TRAP1: variants seen among roughly 807,000 people sequenced by gnomAD.
TRAP1 encodes heat shock protein 75 kDa, mitochondrial.
In TRAP1, 102 loss-of-function variants were observed where a neutral mutation model predicts 89.1. The ratio of observed to expected loss-of-function variants is 1.15; its 90% CI spans 0.98 to 1.35. The LOEUF is 1.35. Among genes scored for constraint, TRAP1 ranks in the 40% most tolerant of loss-of-function variants. TRAP1 has a pLI of 0.00. For missense variants in TRAP1, 1,256 were observed against 945.3 expected (o/e 1.33, Z -4.31); for synonymous variants, 508 against 388.0 (o/e 1.31, Z -3.64).
intron 1 of TRAP1, among the ~76,000 whole-genome samples, chr16:3,705,186 T>A (rs2051423978): frequency 6.6e-6 from 1 of 151,992 alleles, no homozygotes; most frequent in Admixed American, 6.6e-5. Context: ...TGCCTCAGCG[T>A]CCCGAGTAGC....
intron 2 of TRAP1, chr16:3,689,818 G>A (rs1030487183): frequency 2.0e-5 from 3 of 152,294 alleles, no homozygotes; most frequent in African/African-American, 4.8e-5. Flanking sequence ...CGGCCTGGGT[G>A]ACAGAGAAAG....
rs188818012 is a variant in TRAP1, at chr16:3,678,726, A to G, written c.543+993T>C. Among the ~76,000 whole-genome samples the G allele has an allele frequency of 4.1e-3, 620 of 152,150 alleles. 5 individuals carry two copies. The highest frequency in any genetic ancestry group is 0.014 in the African/African-American group (586 of 41,506). On this transcript the variant is annotated intron_variant, in intron 5 of 17. Transcript: ENST00000246957. The stretch of plus-strand genomic sequence containing the variant: ...TCCACCTGCCTCGGCCTCCCAAAGT[A>G]CTGGGGTTACAGGCGTGAGCCACCG...
chr16:3,673,935 G>C (rs1293494828), intron 9 of TRAP1, among the ~76,000 whole-genome samples: 1 of 152,100 alleles, frequency 6.6e-6, no homozygotes, highest in African/African-American at 2.4e-5. Flanking sequence ...CACAGCAGAT[G>C]ATGTAGGCTC....
At chr16:3,662,555 G>A (rs2043144993) in intron 15 of TRAP1, 9 of 565,386 alleles carry the variant, frequency 1.6e-5, no homozygotes, top group South Asian at 1.6e-4. Flanking sequence ...GTGAGCATGT[G>A]AGCTCCTGAG....
chr16:3,697,034 T>C (rs1405134547), intron 1 of TRAP1, among the ~76,000 whole-genome samples: 1 of 152,152 alleles, frequency 6.6e-6, no homozygotes, highest in Non-Finnish European at 1.5e-5. Flanking sequence ...CCTAAGGTTA[T>C]GTATTTGAAG....
chr16:3,664,210 G>A (rs2050768744), intron 13 of TRAP1, 64 bp downstream of exon 13: 2 of 1,454,292 alleles, frequency 1.4e-6, no homozygotes, highest in Non-Finnish European at 1.8e-6. Context: ...GCACAGAGCT[G>A]AGAAGGTCAA....
At chr16:3,659,775 AG>A (rs2042963864) in intron 16 of TRAP1, 1 of 150,330 alleles carries the variant, frequency 6.7e-6, no homozygotes, top group African/African-American at 2.4e-5. Context: ...ATAGATAGAT[AG>A]ATAGACTCTC....
chr16:3,690,720 C>A, intron 2 of TRAP1, 107 bp downstream of exon 2: 1 of 1,193,238 alleles, frequency 8.4e-7, no homozygotes, highest in Non-Finnish European at 1.1e-6. Flanking sequence ...TGATTTCACA[C>A]CTAAGGCGGT....
At chr16:3,685,193 G>C (rs1289640718) in intron 4 of TRAP1, among the ~76,000 whole-genome samples, 3 of 152,182 alleles carry the variant, frequency 2.0e-5, no homozygotes, top group Non-Finnish European at 4.4e-5. Context: ...GGCAGGGAGA[G>C]AAGAAACCCA....
At chr16:3,659,748 T>TTTAGA (rs1567217509) in intron 16 of TRAP1, 1 of 111,328 alleles carries the variant, frequency 9.0e-6, no homozygotes, top group Non-Finnish European at 1.7e-5. Context: ...CACTTTTTTT[T>TTTAGA]TTAGATAGAT....
At chr16:3,658,592 G>A in intron 17 of TRAP1, 1 of 594,088 alleles carries the variant, frequency 1.7e-6, no homozygotes, top group South Asian at 2.1e-5. Context: ...GGAATTGCTT[G>A]AACCCGGGAG....
chr16:3,707,480 C>T (rs541059955), intron 1 of TRAP1, among the ~76,000 whole-genome samples: 4 of 151,472 alleles, frequency 2.6e-5, no homozygotes, highest in African/African-American at 9.7e-5. Flanking sequence ...CCACCGCGCC[C>T]GGCCTTAAGA....
At chr16:3,715,090 T>C (rs568696644) in intron 1 of TRAP1, among the ~76,000 whole-genome samples, 3 of 152,316 alleles carry the variant, frequency 2.0e-5, no homozygotes, top group South Asian at 2.1e-4. Context: ...AGAGGAATGC[T>C]TGAACCACCG....
At position 3,717,487 on chromosome 16, in the gene TRAP1, G is replaced by A; in HGVS notation, c.22C>T (p.Leu8=). 1 of 1,342,738 alleles carries A rather than the reference G, an allele frequency of 7.4e-7. No homozygotes were observed. The highest frequency in any genetic ancestry group is 9.5e-7 in the Non-Finnish European group (1 of 1,050,214). The allele number at this position is 1,342,738 out of a possible 1,614,324, so 83.2% of individuals were successfully genotyped here. The change falls in exon 1 of 18, where the codon CTG becomes TTG. Residue 8 remains leucine (L), a synonymous_variant. Transcript: ENST00000246957. MARELRA[L]LLWGRRLRPL... Reference sequence around the variant, plus strand: ...CGCAGGCGGCGGCCCCACAGCAGCAGCGCCCGCAGCTCGCGCGCCATGTCG... The same window carrying A: ...CGCAGGCGGCGGCCCCACAGCAGCAACGCCCGCAGCTCGCGCGCCATGTCG...
chr16:3,666,041 G>A lies in TRAP1; in HGVS notation c.1313C>T (p.Ala438Val). 2 of 1,614,148 alleles carry A rather than the reference G, an allele frequency of 1.2e-6. No individual in the cohort carries two copies. The highest frequency in any genetic ancestry group is 1.7e-6 in the Non-Finnish European group (2 of 1,180,020). ...DQSKKDAEKY[A>V]KFFEDYGLFM... Reference sequence around the variant, plus strand: ...CAGGCCGTAATCTTCAAAAAACTTTGCATACTTCTCAGCATCTTTTTTACT... The same window carrying A: ...CAGGCCGTAATCTTCAAAAAACTTTACATACTTCTCAGCATCTTTTTTACT... The change falls in exon 12 of 18, where the codon GCA (alanine) becomes GTA (valine). Residue 438 changes from alanine (A) to valine (V), a missense_variant. Physicochemically the swap from Ala to Val is moderately conservative, Grantham distance 64. Coordinates refer to ENST00000246957, the MANE Select transcript of TRAP1 (RefSeq NM_016292.3).
At chr16:3,684,061 G>A (rs937628461) in intron 4 of TRAP1, among the ~76,000 whole-genome samples, 2 of 152,056 alleles carry the variant, frequency 1.3e-5, no homozygotes, top group Non-Finnish European at 2.9e-5. Flanking sequence ...AGCTACTTGG[G>A]GGGCTGAGGC....
rs188822161 is a variant in TRAP1, at chr16:3,666,000, T to C, written c.1354A>G (p.Ile452Val). The C allele has an allele frequency of 3.7e-6, 6 of 1,614,040 alleles. No homozygotes were observed. In the East Asian group the frequency reaches 8.9e-5, roughly 24 times the overall value. Reference sequence around the variant, plus strand: ...ACCTCCTGCTCGGTGGCGGTCACAATGCCCTCCCGCATGAACAGGCCGTAA... The same window carrying C: ...ACCTCCTGCTCGGTGGCGGTCACAACGCCCTCCCGCATGAACAGGCCGTAA... ...EDYGLFMREG[I>V]VTATEQEVKE... is the part of the protein sequence containing the mutation. The change falls in exon 12 of 18, where the codon ATT (isoleucine) becomes GTT (valine). Residue 452 changes from isoleucine to valine, a missense_variant. Transcript: ENST00000246957.
intron 1 of TRAP1, among the ~76,000 whole-genome samples, chr16:3,703,450 T>C (rs1221308380): frequency 6.6e-6 from 1 of 151,832 alleles, no homozygotes; most frequent in East Asian, 1.9e-4. Context: ...GAAAAAACAC[T>C]AGAGGTAGAA....
At position 3,671,722 on chromosome 16, in the gene TRAP1, C is replaced by G; in HGVS notation, c.1235G>C (p.Arg412Thr). The change falls in exon 11 of 18, where the codon AGG becomes ACG. Residue 412 changes from arginine to threonine, a missense_variant and splice_region_variant. By Grantham distance (71) the Arg-to-Thr change is moderately conservative (BLOSUM62 -1). Coordinates refer to ENST00000246957, the MANE Select transcript of TRAP1 (RefSeq NM_016292.3). ...CCTCTCCCCGCGGCCCGAGGCTCAC[C>G]TGATGAGTGCGCTCTCCTGCAGCAG... The part of the protein sequence containing the change: ...RELLQESALI[R>T]KLRDVLQQRL... 6.2e-7 allele frequency: 1 copy of G among 1,612,744 alleles called. No homozygotes were observed. The highest frequency in any genetic ancestry group is 8.5e-7 in the Non-Finnish European group (1 of 1,180,004).
Sources: allele counts gnomAD v4.1 joint callset (sites outside exome capture counted in the v4.1 genomes callset), GRCh38; gene constraint gnomAD v4.1.1; transcripts MANE v1.5; gene names NCBI Gene and HGNC (gene_info 2026-07-23, HGNC 2026-07-21).